Variants in ARK2C observed in about 807,000 individuals in gnomAD.
ARK2C encodes arkadia (RNF111) C-terminal like ring finger ubiquitin ligase 2C, also known as E3 ubiquitin-protein ligase ARK2C.
At chr18:46,456,003 G>C in the ARK2C span, 1 of 1,613,294 alleles carries the variant, frequency 6.2e-7, no homozygotes, top group African/African-American at 1.3e-5. Context: ...AGGGCAAGAA[G>C]GATGAGGGGG....
the ARK2C span, among the ~76,000 whole-genome samples, chr18:46,441,861 C>CAAAAAAAA: frequency 1.6e-5 from 2 of 122,064 alleles, no homozygotes; most frequent in African/African-American, 6.2e-5. Context: ...GACTCCATCT[C>CAAAAAAAA]AAAAAAAAAA....
At chr18:46,425,874 C>T in the ARK2C span, among the ~76,000 whole-genome samples, 2 of 152,200 alleles carry the variant, frequency 1.3e-5, no homozygotes, top group African/African-American at 4.8e-5. Flanking sequence ...AATCACAGTT[C>T]TGGAGGCTGG....
chr18:46,429,871 AATCCCAAAGTGTTGGGATT>A, the ARK2C span, among the ~76,000 whole-genome samples: 7 of 152,054 alleles, frequency 4.6e-5, no homozygotes, highest in African/African-American at 1.7e-4. Context: ...CCTCCTAAGT[AATCCCAAAGTGTTGGGATT>A]ATGGATGTGA....
chr18:46,389,595 G>A, the ARK2C span, among the ~76,000 whole-genome samples: 4 of 152,234 alleles, frequency 2.6e-5, no homozygotes, highest in East Asian at 3.9e-4. Context: ...GCTTTCCCCA[G>A]CCCATCCCTC....
At chr18:46,447,481 C>A in the ARK2C span, 1 of 1,512,892 alleles carries the variant, frequency 6.6e-7, no homozygotes, top group Non-Finnish European at 9.1e-7. Context: ...AATTCTACTC[C>A]ATAGGCTTGA....
the ARK2C span, among the ~76,000 whole-genome samples, chr18:46,339,639 G>A: frequency 6.6e-6 from 1 of 152,216 alleles, no homozygotes; most frequent in Non-Finnish European, 1.5e-5. Flanking sequence ...CTATGTCATA[G>A]GCTTTGTAAT....
the ARK2C span, among the ~76,000 whole-genome samples, chr18:46,350,400 C>T: frequency 6.6e-6 from 1 of 152,130 alleles, no homozygotes; most frequent in Non-Finnish European, 1.5e-5. Flanking sequence ...GGGAGGGCTT[C>T]CTGGAGGCGT....
the ARK2C span, among the ~76,000 whole-genome samples, chr18:46,383,257 G>A: frequency 1.3e-5 from 2 of 152,236 alleles, no homozygotes; most frequent in Non-Finnish European, 2.9e-5. Context: ...GTCCAAGATG[G>A]CATCAAGTCA....
the ARK2C span, among the ~76,000 whole-genome samples, chr18:46,409,136 C>T: frequency 2.6e-5 from 4 of 152,152 alleles, no homozygotes; most frequent in African/African-American, 9.7e-5. Flanking sequence ...ATAGAAATGT[C>T]AGCCATTATT....
chr18:46,451,067 A>C, the ARK2C span, among the ~76,000 whole-genome samples: 2 of 152,246 alleles, frequency 1.3e-5, no homozygotes, highest in South Asian at 4.1e-4. Context: ...CATTGGGTAT[A>C]TTACATACAT....
chr18:46,369,646 G>T, the ARK2C span, among the ~76,000 whole-genome samples: 1 of 152,180 alleles, frequency 6.6e-6, no homozygotes, highest in Non-Finnish European at 1.5e-5. Flanking sequence ...TGCTGGAGGT[G>T]GGGGCACTTT....
At chr18:46,369,661 G>T in the ARK2C span, among the ~76,000 whole-genome samples, 1 of 152,264 alleles carries the variant, frequency 6.6e-6, no homozygotes. Flanking sequence ...CACTTTTCTA[G>T]CCTATCTCAT....
chr18:46,422,867 A>T, the ARK2C span, among the ~76,000 whole-genome samples: 4 of 152,150 alleles, frequency 2.6e-5, no homozygotes, highest in Admixed American at 6.5e-5. Flanking sequence ...ATTCTGAGAA[A>T]TGTCTTCCTT....
the ARK2C span, among the ~76,000 whole-genome samples, chr18:46,391,297 GTAAGCACCTGAACCAC>G: frequency 6.6e-6 from 1 of 152,190 alleles, no homozygotes; most frequent in Non-Finnish European, 1.5e-5. Flanking sequence ...GTGACCTGGG[GTAAGCACCTGAACCAC>G]TGTGTCCCAT....
the ARK2C span, among the ~76,000 whole-genome samples, chr18:46,348,389 G>A: frequency 6.6e-6 from 1 of 152,338 alleles, no homozygotes; most frequent in East Asian, 1.9e-4. Flanking sequence ...AGCGTTGCTG[G>A]TGGTTGATTG....
the ARK2C span, among the ~76,000 whole-genome samples, chr18:46,363,112 A>G: frequency 1.4e-5 from 2 of 144,782 alleles, no homozygotes; most frequent in African/African-American, 2.4e-5. Flanking sequence ...AGTGCTGAAC[A>G]TAATAAGTGC....
At chr18:46,433,062 G>T in the ARK2C span, 1 of 634,622 alleles carries the variant, frequency 1.6e-6, no homozygotes, top group Non-Finnish European at 2.7e-6. Context: ...TAACAGTGAT[G>T]ACGCTGCTGT....
the ARK2C span, among the ~76,000 whole-genome samples, chr18:46,382,979 T>C: frequency 6.6e-6 from 1 of 152,218 alleles, no homozygotes; most frequent in Non-Finnish European, 1.5e-5. Flanking sequence ...GTATTAATAC[T>C]CACTCCCCCC....
chr18:46,377,354 G>C, the ARK2C span, among the ~76,000 whole-genome samples: 3 of 152,160 alleles, frequency 2.0e-5, no homozygotes, highest in Non-Finnish European at 2.9e-5. Context: ...CCAGGAATTG[G>C]TCTAGACACA....
Sources: gnomAD v4.1 joint callset for allele counts (sites outside exome capture counted in the v4.1 genomes callset) on GRCh38, gnomAD v4.1.1 for gene constraint, MANE v1.5 for transcripts, NCBI Gene and HGNC (gene_info 2026-07-23, HGNC 2026-07-21) for gene names.